The following ANKRD30B variants were observed in gnomAD, a reference collection of about 807,000 sequenced individuals.
The protein encoded by ANKRD30B is ankyrin repeat domain-containing protein 30B.
ANKRD30B carries 144 observed loss-of-function variants against 202.2 expected under a neutral mutation model. That is an observed-to-expected ratio of 0.71 (90% CI 0.62 to 0.82). The LOEUF (loss-of-function observed/expected upper bound fraction) is 0.82. Ranked by LOEUF, ANKRD30B falls within the 40% of genes least tolerant of loss-of-function variation. ANKRD30B has a pLI of 0.00. For missense variants in ANKRD30B, 1,487 were observed against 1,669.1 expected (o/e 0.89, Z 1.90); for synonymous variants, 508 against 561.3 (o/e 0.91, Z 1.34).
intron 9 of ANKRD30B, among the ~76,000 whole-genome samples, chr18:14,773,544 T>C (rs1967147940): frequency 6.6e-6 from 1 of 152,188 alleles, no homozygotes. Flanking sequence ...TGAAAATATG[T>C]CTCAAATAAG....
intron 30 of ANKRD30B, among the ~76,000 whole-genome samples, chr18:14,820,052 T>A (rs1415087530): frequency 6.6e-6 from 1 of 152,194 alleles, no homozygotes; most frequent in African/African-American, 2.4e-5. Context: ...CAGTGGTTTG[T>A]AGTTCTCCTT....
At chr18:14,855,314 A>G (rs1382594153), downstream of ANKRD30B, among the ~76,000 whole-genome samples, 1 of 152,232 alleles carries the variant, frequency 6.6e-6, no homozygotes, top group Non-Finnish European at 1.5e-5. Flanking sequence ...CTTTCTACAC[A>G]GACACAGTAA....
intron 32 of ANKRD30B, among the ~76,000 whole-genome samples, chr18:14,826,857 A>C (rs1970693155): frequency 6.6e-6 from 1 of 152,164 alleles, no homozygotes; most frequent in African/African-American, 2.4e-5. Context: ...TTTGTGATAA[A>C]GTTTAATTCA....
intron 34 of ANKRD30B, among the ~76,000 whole-genome samples, chr18:14,836,861 G>GC (rs1239476947): frequency 6.6e-6 from 1 of 151,694 alleles, no homozygotes. Context: ...TTCCCAATAT[G>GC]GCCCCATTAT....
chr18:14,835,218 A>T (rs1971119726), intron 34 of ANKRD30B, among the ~76,000 whole-genome samples: 1 of 151,842 alleles, frequency 6.6e-6, no homozygotes. Context: ...AAATGTAGAA[A>T]TTATTAATCT....
Position 14,763,722 on chromosome 18 carries a change from C to T in ANKRD30B, c.857C>T (p.Pro286Leu). ...ACAGGAACACCTGATGAGGCTGCAC[C>T]CTTGGCGGAAAGAACACCTGACACG... ...TSTGTPDEAA[P>L]LAERTPDTAE... is the part of the protein sequence containing the mutation. Residue 286 changes from proline (P) to leucine (L), a missense_variant, in exon 7 of 44, where the codon CCC becomes CTC. Around this residue, in one of 6 missense-constraint regions of ANKRD30B, gnomAD observed 889 missense variants for 841.4 expected, o/e 1.06. Coordinates refer to ENST00000690538, the MANE Select transcript of ANKRD30B (RefSeq NM_001367607.2). 1 of 1,613,932 alleles carries T rather than the reference C, an allele frequency of 6.2e-7. No homozygotes were observed. The highest frequency in any genetic ancestry group is 8.5e-7 in the Non-Finnish European group (1 of 1,179,970).
At chr18:14,786,419 T>C (rs528204561) in intron 14 of ANKRD30B, among the ~76,000 whole-genome samples, 199 of 152,310 alleles carry the variant, frequency 1.3e-3, no homozygotes, top group South Asian at 5.0e-3. Context: ...GGAAGCAGTG[T>C]GTCGTTGTAA....
intron 16 of ANKRD30B, among the ~76,000 whole-genome samples, chr18:14,792,884 T>C (rs1177990236): frequency 2.0e-5 from 3 of 152,122 alleles, no homozygotes; most frequent in Non-Finnish European, 4.4e-5. Context: ...TAACATGATA[T>C]ACCAAACCAG....
intron 14 of ANKRD30B, 40 bp from the exon 15 acceptor site, chr18:14,786,994 TAGAGA>T (rs1968124420): frequency 6.4e-7 from 1 of 1,560,522 alleles, no homozygotes; most frequent in East Asian, 2.3e-5. Context: ...AAATTTATAG[TAGAGA>T]AATGTTCTCA....
At chr18:14,848,449 A>G (rs1233034045) in intron 39 of ANKRD30B, among the ~76,000 whole-genome samples, 2 of 152,030 alleles carry the variant, frequency 1.3e-5, no homozygotes, top group African/African-American at 4.8e-5. Flanking sequence ...TACAGATCCT[A>G]TTCTTAGCAA....
At chr18:14,816,692 G>A (rs1480085806) in intron 30 of ANKRD30B, 4 of 147,546 alleles carry the variant, frequency 2.7e-5, no homozygotes, top group Admixed American at 6.8e-5. Flanking sequence ...ATTCACAACA[G>A]CAAAGACTTG....
intron 4 of ANKRD30B, among the ~76,000 whole-genome samples, chr18:14,756,561 C>A (rs2143670037): frequency 6.6e-6 from 1 of 152,164 alleles, no homozygotes; most frequent in South Asian, 2.1e-4. Context: ...GTCTTTAATC[C>A]ATCCTGAATT....
chr18:14,878,879 G>T, the ANKRD30B span, among the ~76,000 whole-genome samples: 1 of 152,162 alleles, frequency 6.6e-6, no homozygotes, highest in Non-Finnish European at 1.5e-5. Context: ...GCAATAGAGG[G>T]CATTCAGGCA....
At chr18:14,876,018 C>T in the ANKRD30B span, among the ~76,000 whole-genome samples, 2,209 of 152,206 alleles carry the variant, frequency 0.015, 64 homozygotes, top group African/African-American at 0.05. Context: ...AGACATAGCT[C>T]ATTGTACTGC....
At chr18:14,749,266 G>A (rs551229043) in intron 1 of ANKRD30B, among the ~76,000 whole-genome samples, 1 of 152,260 alleles carries the variant, frequency 6.6e-6, no homozygotes, top group East Asian at 1.9e-4. Flanking sequence ...AGCTATTAAC[G>A]TTTTAACATT....
At chr18:14,764,605 A>T (rs1322591004) in intron 7 of ANKRD30B, among the ~76,000 whole-genome samples, 1 of 151,898 alleles carries the variant, frequency 6.6e-6, no homozygotes, top group Non-Finnish European at 1.5e-5. Context: ...ATATTGGCCA[A>T]ACTCCAACTC....
intron 4 of ANKRD30B, among the ~76,000 whole-genome samples, chr18:14,757,058 A>AT (rs147870215): frequency 1.3e-4 from 19 of 151,928 alleles, no homozygotes; most frequent in South Asian, 2.1e-4. Flanking sequence ...TGAATTTATT[A>AT]TTTTTTTCAT....
the ANKRD30B span, among the ~76,000 whole-genome samples, chr18:14,933,668 G>A: frequency 2.6e-5 from 4 of 152,110 alleles, no homozygotes; most frequent in African/African-American, 9.7e-5. Flanking sequence ...GCGTGCAAGC[G>A]GGTGTGCTTG....
At chr18:14,889,805 G>A in the ANKRD30B span, among the ~76,000 whole-genome samples, 1 of 151,256 alleles carries the variant, frequency 6.6e-6, no homozygotes, top group Non-Finnish European at 1.5e-5. Context: ...CAAAGAACAA[G>A]CCATTTGTCC....
Sources: gnomAD v4.1 joint callset for allele counts (sites outside exome capture counted in the v4.1 genomes callset) on GRCh38, gnomAD v4.1.1 for gene constraint, gnomAD v4.1.1 regional missense constraint, MANE v1.5 for transcripts, NCBI Gene and HGNC (gene_info 2026-07-23, HGNC 2026-07-21) for gene names.